The following BLK variants were observed in gnomAD, a reference collection of about 807,000 sequenced individuals.
BLK encodes BLK proto-oncogene, Src family tyrosine kinase.
In BLK, 64 loss-of-function variants were observed where a neutral mutation model predicts 61.8. That is an observed-to-expected ratio of 1.03 (90% CI 0.85 to 1.27). BLK has a LOEUF of 1.27. BLK is among the 50% of genes most tolerant of loss of function. BLK has a pLI of 0.00. For synonymous variants in BLK, 351 were observed against 272.0 expected (o/e 1.29, Z -2.86); for missense variants, 853 against 660.5 (o/e 1.29, Z -3.19).
intron 1 of BLK, among the ~76,000 whole-genome samples, chr8:11,513,696 G>A (rs1019173199): frequency 6.6e-6 from 1 of 152,238 alleles, no homozygotes; most frequent in African/African-American, 2.4e-5. Flanking sequence ...AGGCCTTTGA[G>A]GCATTGCATT....
intron 1 of BLK, among the ~76,000 whole-genome samples, chr8:11,513,655 G>A (rs936033025): frequency 1.3e-5 from 2 of 152,190 alleles, no homozygotes; most frequent in African/African-American, 4.8e-5. Context: ...TTGCACCTTG[G>A]GCTGCAAAAT....
chr8:11,546,389 C>T (rs1156797055), intron 3 of BLK, among the ~76,000 whole-genome samples: 1 of 152,208 alleles, frequency 6.6e-6, no homozygotes, highest in Non-Finnish European at 1.5e-5. Flanking sequence ...CACACAGCAT[C>T]ATCAAACCCA....
rs564462761 is a variant in BLK, at chr8:11,539,545, G to T, written c.-1-3679G>T. Among the ~76,000 whole-genome samples the T allele has an allele frequency of 2.2e-4, 34 of 152,242 alleles. No homozygotes were observed. The South Asian group carries it at 6.8e-3, about 31-fold the overall frequency. On this transcript the variant is annotated intron_variant, in intron 1 of 12. Coordinates refer to ENST00000259089, the MANE Select transcript of BLK (RefSeq NM_001715.3). ...AATGATGTTTTATTAACCTGAGATA[G>T]TCCAGAGTGGGACTGAAAATCAAAA...
At chr8:11,554,665 TA>T in intron 6 of BLK, 77 bp from the exon 7 acceptor site, 2 of 1,570,148 alleles carry the variant, frequency 1.3e-6, no homozygotes, top group Non-Finnish European at 1.7e-6. Flanking sequence ...TTCAAAGCTT[TA>T]AAATGAGGCC....
In BLK at chr8:11,507,231, G is replaced by C. The variant is rs547578187; in HGVS notation, c.-2+12640G>C. On this transcript the variant is annotated intron_variant, in intron 1 of 12. Coordinates refer to ENST00000259089, the MANE Select transcript of BLK (RefSeq NM_001715.3). ...TGGGGAAGGAAACTGAAGCGGGCTA[G>C]GGAGGAAGGACAGCTTGACAACTAG... 8.5e-5 allele frequency among the ~76,000 whole-genome samples: 13 copies of C among 152,338 alleles called. No individual in the cohort carries two copies. In the East Asian group the frequency reaches 1.3e-3, roughly 16 times the overall value.
At chr8:11,551,935 C>T (rs1800922694) in intron 6 of BLK, among the ~76,000 whole-genome samples, 1 of 152,166 alleles carries the variant, frequency 6.6e-6, no homozygotes, top group South Asian at 2.1e-4. Flanking sequence ...GCTAGGGTGA[C>T]CCAGGGGCTT....
intron 2 of BLK, among the ~76,000 whole-genome samples, chr8:11,543,966 T>A (rs1800506462): frequency 3.0e-5 from 1 of 33,082 alleles, no homozygotes; most frequent in Non-Finnish European, 6.8e-5. Flanking sequence ...TGAAGATGCA[T>A]TTTTTTTTTT....
chr8:11,543,213 G>T lies in BLK; in HGVS notation c.-1-11G>T. The T allele has an allele frequency of 6.2e-7, 1 of 1,613,758 alleles. No individual in the cohort carries two copies. The highest frequency in any genetic ancestry group is 8.5e-7 in the Non-Finnish European group (1 of 1,179,944). On this transcript the variant is annotated splice_polypyrimidine_tract_variant and intron_variant, in intron 1 of 12. Transcript: ENST00000259089. ...CTCTCATGTCCTCTGTCTGCTGTGT[G>T]TCTCCGACAGGATGGGGCTGGTAAG...
At chr8:11,549,593 C>A (rs929308478) in intron 5 of BLK, among the ~76,000 whole-genome samples, 1 of 152,200 alleles carries the variant, frequency 6.6e-6, no homozygotes. Flanking sequence ...ATTTCGGACT[C>A]GGCCAGCCAG....
At position 11,518,608 on chromosome 8, in the gene BLK, C is replaced by T. The variant is rs542954676; in HGVS notation, c.-2+24017C>T. Among the ~76,000 whole-genome samples the T allele has an allele frequency of 4.6e-5, 7 of 152,262 alleles. No individual in the cohort carries two copies. In the South Asian group the frequency reaches 1.5e-3, roughly 32 times the overall value. On this transcript the variant is annotated intron_variant, in intron 1 of 12. Transcript: ENST00000259089. ...CCTCTCACCGATCTCCTGCGGTGGC[C>T]TCCCATCTAGTGTCCTGCTTCACCC... is the stretch of plus-strand genomic sequence containing the variant.
intron 1 of BLK, among the ~76,000 whole-genome samples, chr8:11,511,569 A>G (rs1426408720): frequency 1.3e-5 from 2 of 152,186 alleles, no homozygotes; most frequent in Non-Finnish European, 2.9e-5. Flanking sequence ...ACAAGTGTGT[A>G]TACCTGGAGC....
chr8:11,539,170 C>G (rs1456946394), intron 1 of BLK, among the ~76,000 whole-genome samples: 2 of 152,026 alleles, frequency 1.3e-5, no homozygotes, highest in African/African-American at 4.8e-5. Context: ...GGTGTTCATC[C>G]TCCCCAGCCT....
At chr8:11,497,275 T>A (rs1199772984) in intron 1 of BLK, among the ~76,000 whole-genome samples, 1 of 152,130 alleles carries the variant, frequency 6.6e-6, no homozygotes, top group Non-Finnish European at 1.5e-5. Context: ...TCCTGTCACA[T>A]CTGCTACCCC....
In BLK at chr8:11,564,085, C is replaced by T. The variant is rs1053861971; in HGVS notation, c.1495C>T (p.Arg499Trp). 4 of 1,586,518 alleles carry T rather than the reference C, an allele frequency of 2.5e-6. No homozygotes were observed. Among genetic ancestry groups the T allele is most frequent in the African/African-American group, 2.7e-5 (2 of 74,658 alleles). Residue 499 changes from arginine (R) to tryptophan (W), a missense_variant, in exon 13 of 13, where the codon CGG becomes TGG. By Grantham distance (101) the Arg-to-Trp change is moderately radical (BLOSUM62 -3). Coordinates refer to ENST00000259089, the MANE Select transcript of BLK (RefSeq NM_001715.3). ...GGAGGACTTCTACACGGCCACCGAG[C>T]GGCAGTACGAGCTGCAGCCCTAGCC... ...VLEDFYTATE[R>W]QYELQP
chr8:11,521,917 T>G (rs1466028636), intron 1 of BLK, among the ~76,000 whole-genome samples: 1 of 152,232 alleles, frequency 6.6e-6, no homozygotes, highest in East Asian at 1.9e-4. Context: ...AGCCTTTTCT[T>G]ATGCATAAAA....
chr8:11,494,975 G>C (rs1585308571), intron 1 of BLK, among the ~76,000 whole-genome samples: 1 of 152,230 alleles, frequency 6.6e-6, no homozygotes, highest in Non-Finnish European at 1.5e-5. Context: ...GTGCAGAGCT[G>C]ACAGAGGTTA....
intron 11 of BLK, 112 bp downstream of exon 11, chr8:11,561,564 A>G: frequency 2.3e-5 from 32 of 1,366,434 alleles, no homozygotes; most frequent in Non-Finnish European, 3.1e-5. Flanking sequence ...CCTGAGGGCT[A>G]TACGGTTTCT....
chr8:11,544,476 T>A (rs1310396657), intron 2 of BLK, among the ~76,000 whole-genome samples: 2 of 152,112 alleles, frequency 1.3e-5, no homozygotes, highest in Non-Finnish European at 2.9e-5. Flanking sequence ...ATCTTACCTA[T>A]CTGTGTCCCA....
Position 11,502,241 on chromosome 8 carries a change from T to C in BLK, c.-2+7650T>C, listed in dbSNP as rs1267451369. On this transcript the variant is annotated intron_variant, in intron 1 of 12. Coordinates refer to ENST00000259089, the MANE Select transcript of BLK (RefSeq NM_001715.3). ...TTAATAGAATCCATTTAGTTGTATC[T>C]TGTATAATTCAACTTTAATTTTTTA... Among the ~76,000 whole-genome samples, 3 of 152,238 alleles carry C rather than the reference T, an allele frequency of 2.0e-5. 1 individual carries two copies. Among genetic ancestry groups the C allele is most frequent in the Admixed American group, 2.0e-4 (3 of 15,292 alleles).
Sources: gnomAD v4.1 joint callset for allele counts (sites outside exome capture counted in the v4.1 genomes callset) on GRCh38, gnomAD v4.1.1 for gene constraint, MANE v1.5 for transcripts, NCBI Gene and HGNC (gene_info 2026-07-23, HGNC 2026-07-21) for gene names.